SNRPN: variants seen among roughly 807,000 people sequenced by gnomAD.
SNRPN encodes small nuclear ribonucleoprotein polypeptide N.
SNRPN carries 7 observed loss-of-function variants against 25.2 expected under a neutral mutation model. The observed-to-expected ratio is 0.28, with a 90% CI of 0.16 to 0.52. SNRPN has a LOEUF of 0.52. SNRPN is among the 20% of genes least tolerant of loss of function. The pLI is 0.96. For missense variants in SNRPN, 196 were observed against 322.5 expected, an observed-to-expected ratio of 0.61 and a Z score of 3.00; for synonymous variants, 124 against 110.6, an observed-to-expected ratio of 1.12 and a Z score of -0.76.
chr15:24,877,688 ACACACAC>A (rs2056091503), intron 1 of SNRPN, among the ~76,000 whole-genome samples: 4 of 149,100 alleles, frequency 2.7e-5, no homozygotes, highest in South Asian at 2.1e-4. Context: ...ACACACACAC[ACACACAC>A]AAACACACTA....
At chr15:24,926,484 G>T (rs1387436508) in intron 3 of SNRPN, among the ~76,000 whole-genome samples, 1 of 152,028 alleles carries the variant, frequency 6.6e-6, no homozygotes, top group Non-Finnish European at 1.5e-5. Context: ...AAATTATGCA[G>T]ACATTCTGCT....
intron 2 of SNRPN, among the ~76,000 whole-genome samples, chr15:24,894,108 A>G (rs938558588): frequency 6.6e-6 from 1 of 152,054 alleles, no homozygotes; most frequent in Non-Finnish European, 1.5e-5. Context: ...TGCAACCCAC[A>G]TGTCTGTCCA....
chr15:24,848,957 AGTGCAGTG>A (rs1169679769), intron 2 of SNRPN: 6 of 151,592 alleles, frequency 4.0e-5, no homozygotes, highest in Non-Finnish European at 8.8e-5. Context: ...ACCAGGCTGG[AGTGCAGTG>A]GTGCGGTCTC....
intron 2 of SNRPN, among the ~76,000 whole-genome samples, chr15:24,898,552 C>T (rs1019095296): frequency 6.6e-6 from 1 of 151,486 alleles, no homozygotes; most frequent in African/African-American, 2.4e-5. Flanking sequence ...CGCACCACTG[C>T]ACCCCATCCT....
At chr15:24,834,751 C>CTCTATATATATATATATATATATA in intron 2 of SNRPN, among the ~76,000 whole-genome samples, 2 of 60,956 alleles carry the variant, frequency 3.3e-5, no homozygotes, top group Non-Finnish European at 6.6e-5. Context: ...CTCTCTCTCT[C>CTCTATATATATATATATATATATA]TATATATATA....
At chr15:24,859,978 A>G (rs967322268) in intron 1 of SNRPN, among the ~76,000 whole-genome samples, 5 of 152,164 alleles carry the variant, frequency 3.3e-5, no homozygotes, top group African/African-American at 1.2e-4. Context: ...TTTATCAGCA[A>G]GATCTTTATG....
chr15:24,935,392 G>A (rs2061159885), intron 3 of SNRPN, among the ~76,000 whole-genome samples: 1 of 152,180 alleles, frequency 6.6e-6, no homozygotes, highest in African/African-American at 2.4e-5. Flanking sequence ...TTCCTGAGAA[G>A]CTTTCTGAAG....
At chr15:24,830,351 C>G (rs2050416957) in intron 2 of SNRPN, among the ~76,000 whole-genome samples, 1 of 152,002 alleles carries the variant, frequency 6.6e-6, no homozygotes, top group South Asian at 2.1e-4. Flanking sequence ...GTTATGCTAT[C>G]CTACTTAACT....
chr15:24,908,552 G>A (rs1366180946), intron 2 of SNRPN, among the ~76,000 whole-genome samples: 1 of 151,742 alleles, frequency 6.6e-6, no homozygotes, highest in African/African-American at 2.4e-5. Context: ...GGAAACTGGA[G>A]GAAAAGCCAT....
chr15:24,835,097 G>GTATATATATCTATATATAAA (rs55900112), intron 2 of SNRPN, among the ~76,000 whole-genome samples: 1 of 21,908 alleles, frequency 4.6e-5, no homozygotes, highest in Non-Finnish European at 9.2e-5. Flanking sequence ...AAAATATATA[G>GTATATATATCTATATATAAA]ATATATATAC....
chr15:24,949,696 C>G lies in SNRPN; in HGVS notation c.-390-12418C>G, dbSNP rs564352021. Among the ~76,000 whole-genome samples, 3 of 152,264 alleles carry G rather than the reference C, an allele frequency of 2.0e-5. No individual in the cohort carries two copies. In the South Asian group the frequency reaches 6.2e-4, roughly 32 times the overall value. On this transcript the variant is annotated intron_variant, in intron 3 of 11. Coordinates refer to the SNRPN transcript ENST00000400097. ...CCCATAATATGTGGCCTTTTTCTGT[C>G]TAGCTGCTTTCACTCAGCATAATGT... is the stretch of plus-strand genomic sequence containing the variant.
chr15:24,974,496 A>G (rs1596330901), intron 4 of SNRPN, 40 bp downstream of exon 4: 4 of 1,602,770 alleles, frequency 2.5e-6, no homozygotes, highest in Non-Finnish European at 3.4e-6. Context: ...AATGTGCTGT[A>G]AGGGCCGAAA....
chr15:24,927,230 C>A (rs532873010), intron 3 of SNRPN, among the ~76,000 whole-genome samples: 26 of 152,028 alleles, frequency 1.7e-4, no homozygotes, highest in Admixed American at 4.6e-4. Context: ...AAAGAAACCT[C>A]CTGCCTGAGC....
Position 24,879,439 on chromosome 15 carries a change from C to CAAAA in SNRPN, c.-578-7070_-578-7067dup, listed in dbSNP as rs10688286. Reference sequence around the variant, plus strand: ...AGGACAGAGTGCGATTCTGTCTCTACAAAAAAAAAAGAAAGAAAGAAATTA... The same window carrying CAAAA: ...AGGACAGAGTGCGATTCTGTCTCTACAAAAAAAAAAAAAAGAAAGAAAGAAATTA... On this transcript the variant is annotated intron_variant, in intron 1 of 11. Coordinates refer to the SNRPN transcript ENST00000400097. 6.4e-3 allele frequency among the ~76,000 whole-genome samples: 937 copies of CAAAA among 145,296 alleles called. 6 individuals are homozygous for CAAAA. Among genetic ancestry groups the CAAAA allele is most frequent in the African/African-American group, 0.02 (787 of 39,588 alleles).
chr15:24,920,051 T>G (rs1228865880), exon 3 of SNRPN: 2 of 152,182 alleles, frequency 1.3e-5, no homozygotes, highest in Non-Finnish European at 2.9e-5. Context: ...TCCCTGAACA[T>G]ACTCTTCCAC....
intron 1 of SNRPN, among the ~76,000 whole-genome samples, chr15:24,876,532 G>T (rs1018665330): frequency 1.3e-5 from 2 of 150,340 alleles, no homozygotes; most frequent in African/African-American, 4.9e-5. Flanking sequence ...CAGGAGAATC[G>T]CTTGAGCCCA....
intron 2 of SNRPN, among the ~76,000 whole-genome samples, chr15:24,903,649 G>T (rs72693690): frequency 0.049 from 7,475 of 152,198 alleles, 270 homozygotes; most frequent in East Asian, 0.16. Context: ...AAAATAAAAG[G>T]CCATGAAAAA....
chr15:24,957,217 T>C (rs566710168), intron 1 of SNRPN, among the ~76,000 whole-genome samples: 6 of 152,296 alleles, frequency 3.9e-5, no homozygotes, highest in South Asian at 4.1e-4. Flanking sequence ...CTTAAATGGG[T>C]TGGGGGAGAG....
rs1335947609 is a variant in SNRPN at position 24,918,329 on chromosome 15, AAT to A, written c.-504-1675_-504-1674del. On this transcript the variant is annotated intron_variant, in intron 2 of 11. Coordinates refer to the SNRPN transcript ENST00000400097. ...ATGCAAACATATATATATATAACAT[AAT>A]ATATATGTGTATATATATATAACAT... Among the ~76,000 whole-genome samples the A allele has an allele frequency of 2.1e-4, 16 of 75,568 alleles. 1 individual carries two copies. The highest frequency in any genetic ancestry group is 2.9e-4 in the Admixed American group (2 of 6,784). The allele number at this position is 75,568 out of a possible 152,430, so 49.6% of individuals were successfully genotyped here. A position where few individuals can be genotyped will look rare whatever the true frequency, so the allele number is the denominator to read the frequency against.
Sources: gnomAD v4.1 joint callset for allele counts (sites outside exome capture counted in the v4.1 genomes callset) on GRCh38, gnomAD v4.1.1 for gene constraint, MANE v1.5 for transcripts, NCBI Gene and HGNC (gene_info 2026-07-23, HGNC 2026-07-21) for gene names.